The following C11orf65 variants were observed in gnomAD, a reference collection of about 807,000 sequenced individuals.
C11orf65 encodes chromosome 11 open reading frame 65.
In C11orf65, 38 loss-of-function variants were observed where a neutral mutation model predicts 35.3. The ratio of observed to expected loss-of-function variants is 1.08; its 90% CI spans 0.83 to 1.41. The LOEUF is 1.41. C11orf65 is among the 40% of genes most tolerant of loss of function. C11orf65 has a pLI of 0.00. For missense variants in C11orf65, 370 were observed against 367.1 expected (o/e 1.01, Z -0.06); for synonymous variants, 105 against 114.4 (o/e 0.92, Z 0.53).
At chr11:108,368,288 CAAAAAA>C in intron 2 of C11orf65, 3 of 94,800 alleles carry the variant, frequency 3.2e-5, no homozygotes, top group Admixed American at 1.6e-4. Context: ...GACTCTGCCT[CAAAAAA>C]AAAAAAAAAA....
At chr11:108,365,019 T>G in intron 2 of C11orf65, 5 of 1,574,812 alleles carry the variant, frequency 3.2e-6, no homozygotes, top group Non-Finnish European at 4.3e-6. Flanking sequence ...CTGGTTCTAC[T>G]GTTTCTAAGT....
At chr11:108,445,692 G>A (rs975226880) in intron 2 of C11orf65, among the ~76,000 whole-genome samples, 2 of 152,050 alleles carry the variant, frequency 1.3e-5, no homozygotes, top group African/African-American at 4.8e-5. Context: ...CAGAAAAACT[G>A]GAAACTCTAA....
intron 2 of C11orf65, among the ~76,000 whole-genome samples, chr11:108,356,855 TTGAG>T (rs1188979904): frequency 6.6e-6 from 1 of 152,162 alleles, no homozygotes; most frequent in Non-Finnish European, 1.5e-5. Flanking sequence ...TGGATTTCCT[TTGAG>T]TGAGGGTTTT....
intron 3 of C11orf65, among the ~76,000 whole-genome samples, chr11:108,419,991 T>C (rs935341190): frequency 6.6e-6 from 1 of 152,200 alleles, no homozygotes; most frequent in Non-Finnish European, 1.5e-5. Context: ...ATTGTTTATA[T>C]TGAAAATCCA....
chr11:108,420,757 T>A (rs1346210899), intron 3 of C11orf65, among the ~76,000 whole-genome samples: 1 of 152,068 alleles, frequency 6.6e-6, no homozygotes, highest in African/African-American at 2.4e-5. Context: ...TCGATCAACA[T>A]TCCAACAGAC....
chr11:108,417,318 G>C (rs2092749735), intron 3 of C11orf65, among the ~76,000 whole-genome samples: 1 of 152,120 alleles, frequency 6.6e-6, no homozygotes, highest in Non-Finnish European at 1.5e-5. Context: ...CGAGGCAGGA[G>C]GATTGCCTGA....
chr11:108,348,278 T>C (rs1324859010), intron 2 of C11orf65, among the ~76,000 whole-genome samples: 1 of 151,822 alleles, frequency 6.6e-6, no homozygotes, highest in Non-Finnish European at 1.5e-5. Flanking sequence ...CTAAGGAATA[T>C]ATCAAGTTTT....
intron 2 of C11orf65, among the ~76,000 whole-genome samples, chr11:108,374,139 T>C (rs1475999770): frequency 6.6e-6 from 1 of 152,134 alleles, no homozygotes; most frequent in African/African-American, 2.4e-5. Context: ...GAGCAGTGGT[T>C]CTCCCAGCAC....
At chr11:108,331,096 C>T (rs772450504), downstream of C11orf65, 8 of 944,184 alleles carry the variant, frequency 8.5e-6, no homozygotes, top group Admixed American at 5.1e-5. Context: ...AAAGCAATTA[C>T]TTCATTTTAT....
At chr11:108,466,949 T>C (rs1565738899) in intron 1 of C11orf65, among the ~76,000 whole-genome samples, 1 of 149,142 alleles carries the variant, frequency 6.7e-6, no homozygotes, top group Admixed American at 6.8e-5. Context: ...TTTTCCTTTT[T>C]ACCTGTGGTC....
At chr11:108,444,738 G>A (rs2093222606) in intron 2 of C11orf65, among the ~76,000 whole-genome samples, 1 of 152,062 alleles carries the variant, frequency 6.6e-6, no homozygotes. Flanking sequence ...TCTCACTACG[G>A]AGTGCCAGGC....
chr11:108,374,173 C>G (rs2091650934), intron 2 of C11orf65, among the ~76,000 whole-genome samples: 1 of 144,504 alleles, frequency 6.9e-6, no homozygotes, highest in African/African-American at 2.5e-5. Context: ...TGAGAATGGG[C>G]AGACTGCCTC....
chr11:108,359,970 G>C (rs2090506527), intron 2 of C11orf65, among the ~76,000 whole-genome samples: 1 of 151,608 alleles, frequency 6.6e-6, no homozygotes. Flanking sequence ...AGGAAATAGA[G>C]ACACAAAAAA....
At chr11:108,445,597 A>C (rs1221939278) in intron 2 of C11orf65, among the ~76,000 whole-genome samples, 2 of 152,144 alleles carry the variant, frequency 1.3e-5, no homozygotes, top group African/African-American at 2.4e-5. Context: ...AATAGAAAGG[A>C]CATCCACACC....
intron 2 of C11orf65, among the ~76,000 whole-genome samples, chr11:108,357,103 T>C (rs2090054881): frequency 6.6e-6 from 1 of 152,166 alleles, no homozygotes; most frequent in Non-Finnish European, 1.5e-5. Flanking sequence ...GTGCGCGAAC[T>C]GAAGCAGGGC....
downstream of C11orf65, among the ~76,000 whole-genome samples, chr11:108,378,814 G>A (rs1159318502): frequency 4.9e-4 from 72 of 147,894 alleles, no homozygotes; most frequent in African/African-American, 1.6e-3. Context: ...AAAAGTGGGT[G>A]AAGGACATGA....
chr11:108,451,755 C>A (rs530940054), intron 2 of C11orf65, among the ~76,000 whole-genome samples: 80 of 152,146 alleles, frequency 5.3e-4, no homozygotes, highest in East Asian at 2.3e-3. Flanking sequence ...ACTTCAAAGT[C>A]TACTACAAGG....
intron 2 of C11orf65, chr11:108,336,249 G>A (rs2086839349): frequency 2.8e-6 from 1 of 352,028 alleles, no homozygotes; most frequent in African/African-American, 2.1e-5. Flanking sequence ...AGGCTGCAGT[G>A]AGCTCAAACT....
intron 2 of C11orf65, among the ~76,000 whole-genome samples, chr11:108,459,512 C>G (rs763004265): frequency 6.6e-6 from 1 of 152,100 alleles, no homozygotes; most frequent in Non-Finnish European, 1.5e-5. Context: ...AATGGCAAAC[C>G]AATTCCCTCA....
Sources: gnomAD v4.1 joint callset for allele counts (sites outside exome capture counted in the v4.1 genomes callset) on GRCh38, gnomAD v4.1.1 for gene constraint, MANE v1.5 for transcripts, NCBI Gene and HGNC (gene_info 2026-07-23, HGNC 2026-07-21) for gene names.